Variants in MYO1A observed in about 807,000 individuals in gnomAD.
MYO1A encodes myosin IA, also known as unconventional myosin-Ia.
MYO1A carries 127 observed loss-of-function variants against 138.5 expected under a neutral mutation model. The ratio of observed to expected loss-of-function variants is 0.92; its 90% CI spans 0.79 to 1.06. The LOEUF is 1.06. Ranked by LOEUF, MYO1A falls within the 50% of genes least tolerant of loss-of-function variation. MYO1A has a pLI of 0.00. For missense variants in MYO1A, 1,211 were observed against 1,288.8 expected (o/e 0.94, Z 0.92); for synonymous variants, 477 against 497.5 (o/e 0.96, Z 0.55).
rs1330815152 is a variant in MYO1A at position 57,046,897 on chromosome 12, G to C, written c.507C>G (p.Phe169Leu). ...TGACACCACCGAGGGGGGATCCCTT[G>C]AAGTCAAATTCAATATCCATGTATT... Reference protein sequence around the residue: ...FGKYMDIEFDFKGSPLGGVIT... With the variant: ...FGKYMDIEFDLKGSPLGGVIT... Residue 169 changes from phenylalanine (F) to leucine (L), a missense_variant, in exon 7 of 28, where the codon TTC (phenylalanine) becomes TTG (leucine). Physicochemically the swap from Phe to Leu is conservative, Grantham distance 22. Transcript: ENST00000300119. The C allele has an allele frequency of 6.2e-7, 1 of 1,614,130 alleles. No homozygotes were observed. The highest frequency in any genetic ancestry group is 2.2e-5 in the East Asian group (1 of 44,874).
intron 22 of MYO1A, 51 bp downstream of exon 22, chr12:57,036,256 C>G: frequency 6.3e-7 from 1 of 1,577,108 alleles, no homozygotes; most frequent in Middle Eastern, 2.0e-4. Context: ...TCTCCCAAAC[C>G]TGTGCCTCCC....
intron 6 of MYO1A, 24 bp from the exon 7 acceptor site, chr12:57,046,950 A>G: frequency 6.2e-7 from 1 of 1,613,514 alleles, no homozygotes; most frequent in South Asian, 1.1e-5. Flanking sequence ...CCAGAGAGAG[A>G]GACTTAGCTT....
At position 57,029,570 on chromosome 12, in the gene MYO1A, G is replaced by A; in HGVS notation, c.2742C>T (p.Leu914=). The change falls in exon 26 of 28, where the codon CTC becomes CTT. Residue 914 remains leucine (L), a synonymous_variant. Transcript: ENST00000300119. Reference sequence around the variant, plus strand: ...GAATCACATGGCCCTTGGTCAGGAGGAGAATCCGAGAAGAAGTCTAGGGAC... The same window carrying A: ...GAATCACATGGCCCTTGGTCAGGAGAAGAATCCGAGAAGAAGTCTAGGGAC... The part of the protein sequence containing the change: ...RGNGKTSSRI[L]LLTKGHVILT... 1.9e-6 allele frequency: 3 copies of A among 1,614,262 alleles called. No homozygotes were observed. Among genetic ancestry groups the A allele is most frequent in the Non-Finnish European group, 2.5e-6 (3 of 1,180,050 alleles).
At chr12:57,031,984 C>T (rs1373086451) in intron 22 of MYO1A, among the ~76,000 whole-genome samples, 1 of 152,196 alleles carries the variant, frequency 6.6e-6, no homozygotes, top group African/African-American at 2.4e-5. Context: ...CCCCTGCATT[C>T]CCTGGGCACA....
chr12:57,044,957 C>A (rs1014445038), intron 8 of MYO1A, among the ~76,000 whole-genome samples: 1 of 152,170 alleles, frequency 6.6e-6, no homozygotes. Flanking sequence ...TGTTTGAACA[C>A]CAAACACCAA....
At chr12:57,038,744 C>T (rs1416343767) in intron 16 of MYO1A, 65 bp downstream of exon 16, 6 of 1,609,750 alleles carry the variant, frequency 3.7e-6, no homozygotes, top group Non-Finnish European at 3.4e-6. Flanking sequence ...TCCCCGGGTT[C>T]CTCCCCCATT....
chr12:57,039,467 A>G, intron 14 of MYO1A, 193 bp from the exon 15 acceptor site: 1 of 620,956 alleles, frequency 1.6e-6, no homozygotes, highest in South Asian at 1.7e-5. Flanking sequence ...GTGGGTAGAC[A>G]GACACACGGA....
chr12:57,040,947 C>T (rs563564675), intron 14 of MYO1A, among the ~76,000 whole-genome samples: 2 of 152,320 alleles, frequency 1.3e-5, no homozygotes, highest in African/African-American at 4.8e-5. Flanking sequence ...CTGTCACTTC[C>T]CTCTTGTCAG....
At position 57,038,847 on chromosome 12, in the gene MYO1A, C is replaced by T. The variant is rs779402222; in HGVS notation, c.1495G>A (p.Gly499Ser). The T allele has an allele frequency of 6.2e-7, 1 of 1,614,180 alleles. No homozygotes were observed. The highest frequency in any genetic ancestry group is 1.1e-5 in the South Asian group (1 of 91,074). ...TGGCAGATGCGGAAGCAGCTGAGGCCCATGGTGTGGTCATACTGACGCTGG... is the reference window on the plus strand; with the variant it reads ...TGGCAGATGCGGAAGCAGCTGAGGCTCATGGTGTGGTCATACTGACGCTGG... Reference protein sequence around the residue: ...NAQRQYDHTMGLSCFRICHYA... With the variant: ...NAQRQYDHTMSLSCFRICHYA... The change falls in exon 16 of 28, where the codon GGC (glycine) becomes AGC (serine). Residue 499 changes from glycine to serine, a missense_variant. By Grantham distance (56) the Gly-to-Ser change is moderately conservative. Transcript: ENST00000300119.
At chr12:57,045,119 C>T (rs911969271) in intron 8 of MYO1A, among the ~76,000 whole-genome samples, 1 of 152,166 alleles carries the variant, frequency 6.6e-6, no homozygotes, top group Non-Finnish European at 1.5e-5. Context: ...TTGTTTTTTT[C>T]TGTCTCTCCC....
intron 12 of MYO1A, 99 bp downstream of exon 12, chr12:57,042,973 C>T: frequency 1.8e-6 from 2 of 1,141,214 alleles, no homozygotes; most frequent in Non-Finnish European, 2.6e-6. Flanking sequence ...CATCATCCTC[C>T]CTACTCTGCT....
intron 8 of MYO1A, among the ~76,000 whole-genome samples, chr12:57,045,096 T>C (rs1392444759): frequency 4.6e-5 from 7 of 152,212 alleles, no homozygotes. Flanking sequence ...GCCCATATCA[T>C]ATGGGCTAGG....
At chr12:57,030,154 AG>A in intron 24 of MYO1A, 55 bp downstream of exon 24, 1 of 1,485,954 alleles carries the variant, frequency 6.7e-7, no homozygotes, top group Non-Finnish European at 9.4e-7. Context: ...GGCACGCTCA[AG>A]TTTGAGAACT....
At chr12:57,035,429 G>A (rs2030490268) in intron 22 of MYO1A, among the ~76,000 whole-genome samples, 2 of 152,156 alleles carry the variant, frequency 1.3e-5, no homozygotes, top group Non-Finnish European at 2.9e-5. Context: ...TTCCTCTCTT[G>A]AGCTGAGGGA....
chr12:57,029,712 G>T (rs59514028), intron 25 of MYO1A, 28 bp downstream of exon 25: 2 of 1,613,992 alleles, frequency 1.2e-6, no homozygotes, highest in African/African-American at 1.3e-5. Context: ...CACTAGCTGC[G>T]GGAGGAGTTC....
At chr12:57,048,404 G>A (rs2136461345) in intron 1 of MYO1A, 61 bp from the exon 2 acceptor site, 1 of 999,830 alleles carries the variant, frequency 1.0e-6, no homozygotes, top group Non-Finnish European at 1.6e-6. Flanking sequence ...GTAACTGTTT[G>A]AGGGGAGGAT....
rs2030157021 is a variant in MYO1A, at chr12:57,029,495, A to AT, written c.2816dup (p.Asn939LysfsTer16). ...GGCTGGTGACTGACACCCCAGCCAC[A>AT]TTGTCTAGCCCAATGACAATTTTGG... is the stretch of plus-strand genomic sequence containing the variant. On this transcript the variant is annotated frameshift_variant, in exon 26 of 28. Coordinates refer to ENST00000300119, the MANE Select transcript of MYO1A (RefSeq NM_005379.4). LOFTEE classifies it high-confidence loss of function. 3 of 1,614,058 alleles carry AT rather than the reference A, an allele frequency of 1.9e-6. No homozygotes were observed. Among genetic ancestry groups the AT allele is most frequent in the Admixed American group, 1.7e-5 (1 of 60,012 alleles).
chr12:57,043,768 TCA>T (rs2030969001), intron 10 of MYO1A, 86 bp downstream of exon 10: 1 of 1,567,424 alleles, frequency 6.4e-7, no homozygotes, highest in Non-Finnish European at 8.7e-7. Context: ...CAGGGTGAGA[TCA>T]ATTATGCTAG....
chr12:57,029,895 C>T, intron 24 of MYO1A, 23 bp from the exon 25 acceptor site: 2 of 1,614,112 alleles, frequency 1.2e-6, no homozygotes, highest in East Asian at 4.5e-5. Context: ...GGGAGGTGTG[C>T]AGCGCGACAA....
Sources: allele counts gnomAD v4.1 joint callset (sites outside exome capture counted in the v4.1 genomes callset), GRCh38; gene constraint gnomAD v4.1.1; transcripts MANE v1.5; gene names NCBI Gene and HGNC (gene_info 2026-07-23, HGNC 2026-07-21).